Variants in TRMT61B observed in about 807,000 individuals in gnomAD.
TRMT61B encodes tRNA (adenine(58)-N(1))-methyltransferase, mitochondrial.
A neutral mutation model predicts 52.0 loss-of-function variants in TRMT61B; 56 were observed. That is an observed-to-expected ratio of 1.08 (90% CI 0.87 to 1.35). The LOEUF is 1.35. TRMT61B is among the 40% of genes most tolerant of loss of function. The pLI is 0.00. For missense variants in TRMT61B, 650 were observed against 577.9 expected (o/e 1.12, Z -1.28); for synonymous variants, 206 against 220.0 (o/e 0.94, Z 0.56).
At chr2:28,852,906 C>G (rs1669184746) in intron 3 of TRMT61B, among the ~76,000 whole-genome samples, 1 of 151,960 alleles carries the variant, frequency 6.6e-6, no homozygotes, top group African/African-American at 2.4e-5. Context: ...CTGTAGTGAC[C>G]TATGACTGTG....
Position 28,861,319 on chromosome 2 carries a change from A to C in TRMT61B, c.803-11T>G. On this transcript the variant is annotated splice_polypyrimidine_tract_variant and intron_variant, in intron 2 of 6. Transcript: ENST00000306108. ...GTCCTTGTGATCCAACTTAAGTAAA[A>C]AATAATTTGATATTTCATAATATTA... 1 of 1,557,760 alleles carries C rather than the reference A, an allele frequency of 6.4e-7. No individual in the cohort carries two copies. The highest frequency in any genetic ancestry group is 1.4e-5 in the African/African-American group (1 of 72,112).
At chr2:28,864,029 T>C (rs1376524983) in intron 2 of TRMT61B, among the ~76,000 whole-genome samples, 8 of 152,090 alleles carry the variant, frequency 5.3e-5, no homozygotes, top group Admixed American at 5.2e-4. Flanking sequence ...AAAATATATA[T>C]GTTTAATATA....
In TRMT61B at chr2:28,852,427, A is replaced by C; in HGVS notation, c.1066T>G (p.Cys356Gly). The change falls in exon 4 of 7, where the codon TGT (cysteine) becomes GGT (glycine). Residue 356 changes from cysteine to glycine, a missense_variant. By Grantham distance (159) the Cys-to-Gly change is radical. Coordinates refer to ENST00000306108, the MANE Select transcript of TRMT61B (RefSeq NM_017910.4). The stretch of plus-strand genomic sequence containing the variant: ...ACTCACTTTACTACATATACAGCAC[A>C]TACACCACCATGCTTAAGATGTGGG... ...FYPHLKHGGVCAVYVVNITQV... is the reference protein window; with the variant it reads ...FYPHLKHGGVGAVYVVNITQV... 2 of 1,606,818 alleles carry C rather than the reference A, an allele frequency of 1.2e-6. No individual in the cohort carries two copies. The highest frequency in any genetic ancestry group is 1.7e-6 in the Non-Finnish European group (2 of 1,174,000).
chr2:28,865,199 T>A, intron 1 of TRMT61B, 80 bp from the exon 2 acceptor site: 3 of 782,394 alleles, frequency 3.8e-6, no homozygotes, highest in East Asian at 5.3e-5. Flanking sequence ...CATTGTTGGG[T>A]GTGCAGAAGA....
intron 3 of TRMT61B, among the ~76,000 whole-genome samples, chr2:28,857,378 G>C (rs1669391554): frequency 1.3e-5 from 2 of 152,166 alleles, no homozygotes; most frequent in South Asian, 4.1e-4. Flanking sequence ...CAGAAACAAA[G>C]TGGTTCAGAA....
At chr2:28,860,511 G>A (rs567627806) in intron 3 of TRMT61B, among the ~76,000 whole-genome samples, 2 of 152,138 alleles carry the variant, frequency 1.3e-5, no homozygotes, top group Admixed American at 1.3e-4. Context: ...CACCATGTTT[G>A]ATCGCAGCTT....
chr2:28,849,859 A>G lies in TRMT61B; in HGVS notation c.*340T>C. Reference sequence around the variant, plus strand: ...GCATATTTTATTTCAGTAGTCAATGACCATCAATCAAATAAAGGAAAGAAA... The same window carrying G: ...GCATATTTTATTTCAGTAGTCAATGGCCATCAATCAAATAAAGGAAAGAAA... On this transcript the variant is annotated 3_prime_UTR_variant, in exon 7 of 7. Coordinates refer to ENST00000306108, the MANE Select transcript of TRMT61B (RefSeq NM_017910.4). The G allele has an allele frequency of 6.4e-7, 1 of 1,552,126 alleles. No individual in the cohort carries two copies. The highest frequency in any genetic ancestry group is 2.3e-5 in the East Asian group (1 of 44,052).
chr2:28,855,653 T>C (rs1220319442), intron 3 of TRMT61B, among the ~76,000 whole-genome samples: 1 of 152,074 alleles, frequency 6.6e-6, no homozygotes, highest in Non-Finnish European at 1.5e-5. Flanking sequence ...GGTTTGGACA[T>C]GTATTTAAGA....
intron 4 of TRMT61B, among the ~76,000 whole-genome samples, chr2:28,852,182 G>A (rs551367675): frequency 2.6e-5 from 4 of 151,078 alleles, no homozygotes; most frequent in South Asian, 2.1e-4. Flanking sequence ...GCGTGGTGGC[G>A]GGCGCCTGTA....
At chr2:28,856,346 C>T (rs1313515212) in intron 3 of TRMT61B, among the ~76,000 whole-genome samples, 2 of 152,190 alleles carry the variant, frequency 1.3e-5, no homozygotes, top group Non-Finnish European at 2.9e-5. Flanking sequence ...AGGTCAACAC[C>T]TCACCATATC....
chr2:28,859,071 T>TTTTC lies in TRMT61B; in HGVS notation c.993+2043_993+2046dup, dbSNP rs759626791. 2.6e-3 allele frequency among the ~76,000 whole-genome samples: 384 copies of TTTTC among 150,340 alleles called. 3 individuals are homozygous for TTTTC. Among genetic ancestry groups the TTTTC allele is most frequent in the Non-Finnish European group, 4.0e-3 (273 of 67,544 alleles). ...CGCCATGCCTGGCTAATTCTTGTAT[T>TTTTC]TTTCTTTCTTTCTTTCTTTCTTTTT... On this transcript the variant is annotated intron_variant, in intron 3 of 6. Coordinates refer to ENST00000306108, the MANE Select transcript of TRMT61B (RefSeq NM_017910.4).
intron 3 of TRMT61B, 67 bp from the exon 4 acceptor site, chr2:28,852,566 T>G: frequency 9.7e-7 from 1 of 1,029,096 alleles, no homozygotes; most frequent in Non-Finnish European, 1.5e-6. Context: ...GTTTTCTTAT[T>G]GTGGTGAAAT....
At chr2:28,857,239 C>G (rs1455860991) in intron 3 of TRMT61B, among the ~76,000 whole-genome samples, 1 of 127,274 alleles carries the variant, frequency 7.9e-6, no homozygotes, top group Non-Finnish European at 1.9e-5. Flanking sequence ...TGGCCCACAG[C>G]TATTTTTTTT....
At position 28,870,115 on chromosome 2, in the gene TRMT61B, C is replaced by A. The variant is rs765146522; in HGVS notation, c.163G>T (p.Glu55Ter). ...CCTGGGGCTTTCCTTTGTGCCGCCT[C>A]GTGCTCTCTTTCTCCATCTCGCAGG... ...RDLRDGEREHEAAQRKAPGAE... is the reference protein window; with the variant it reads ...RDLRDGEREH Residue 55 changes from glutamate to a stop codon, truncating the protein, a stop_gained, in exon 1 of 7, where the codon GAG (glutamate) becomes TAG (stop). Transcript: ENST00000306108. LOFTEE classifies it high-confidence loss of function. The A allele has an allele frequency of 1.9e-6, 3 of 1,613,960 alleles. No individual in the cohort carries two copies. Among genetic ancestry groups the A allele is most frequent in the Admixed American group, 1.7e-5 (1 of 59,998 alleles).
intron 2 of TRMT61B, among the ~76,000 whole-genome samples, chr2:28,863,563 T>C (rs770940106): frequency 1.3e-5 from 2 of 152,198 alleles, no homozygotes; most frequent in Non-Finnish European, 2.9e-5. Context: ...ACTCTTCTGA[T>C]ACTATATATT....
At chr2:28,850,984 A>T in intron 5 of TRMT61B, 88 bp downstream of exon 5, 2 of 802,090 alleles carry the variant, frequency 2.5e-6, no homozygotes, top group South Asian at 4.4e-5. Context: ...AAAATTGCTG[A>T]GGAATATTTT....
rs767399858 is a variant in TRMT61B at position 28,849,960 on chromosome 2, A to G, written c.*239T>C. The stretch of plus-strand genomic sequence containing the variant: ...AGAATGAGATGGCCCAACTAAACCA[A>G]TTTGGAATCATTAACTACAAAATGT... On this transcript the variant is annotated 3_prime_UTR_variant, in exon 7 of 7. Transcript: ENST00000306108. The G allele has an allele frequency of 5.9e-6, 9 of 1,520,166 alleles. No homozygotes were observed. The highest frequency in any genetic ancestry group is 4.5e-5 in the East Asian group (2 of 44,192). 94.2% of individuals were successfully genotyped at this position (1,520,166 alleles called of 1,614,324 possible).
chr2:28,859,487 A>G (rs1402728675), intron 3 of TRMT61B, among the ~76,000 whole-genome samples: 1 of 152,186 alleles, frequency 6.6e-6, no homozygotes, highest in Non-Finnish European at 1.5e-5. Flanking sequence ...AGAAAAGGAA[A>G]TTATTCATGA....
chr2:28,868,804 C>A (rs770295007), intron 1 of TRMT61B, among the ~76,000 whole-genome samples: 1 of 152,174 alleles, frequency 6.6e-6, no homozygotes, highest in South Asian at 2.1e-4. Context: ...CTTGAGGCCA[C>A]GAGTTGAAGA....
Sources: allele counts gnomAD v4.1 joint callset (sites outside exome capture counted in the v4.1 genomes callset), GRCh38; gene constraint gnomAD v4.1.1; transcripts MANE v1.5; gene names NCBI Gene and HGNC (gene_info 2026-07-23, HGNC 2026-07-21).